SCARB2: variants seen among roughly 807,000 people sequenced by gnomAD.
SCARB2 encodes the protein scavenger receptor class B member 2, also known as lysosome membrane protein 2.
Under a neutral mutation model 58.6 loss-of-function variants are expected in SCARB2, and 29 were observed. That is an observed-to-expected ratio of 0.49 (90% CI 0.37 to 0.67). The LOEUF (loss-of-function observed/expected upper bound fraction) is 0.67, where lower values mean the gene tolerates loss of function less well. Among genes scored for constraint, SCARB2 ranks in the 30% least tolerant of loss-of-function variants. The pLI is 0.00. For missense variants in SCARB2, 488 were observed against 578.5 expected, an observed-to-expected ratio of 0.84 and a Z score of 1.60; for synonymous variants, 195 against 210.1, an observed-to-expected ratio of 0.93 and a Z score of 0.62.
chr4:76,172,691 T>C (rs201109597), intron 7 of SCARB2: 1 of 143,878 alleles, frequency 7.0e-6, no homozygotes. Context: ...TTTTTTTTTT[T>C]TCTTTTTTAA....
intron 1 of SCARB2, among the ~76,000 whole-genome samples, chr4:76,219,314 GC>G (rs1198518445): frequency 6.6e-6 from 1 of 152,162 alleles, no homozygotes; most frequent in African/African-American, 2.4e-5. Flanking sequence ...CAGTCCGGTG[GC>G]CAAAAATATA....
At chr4:76,187,321 G>T (rs925800101) in intron 2 of SCARB2, among the ~76,000 whole-genome samples, 6 of 152,074 alleles carry the variant, frequency 3.9e-5, no homozygotes, top group African/African-American at 1.4e-4. Flanking sequence ...AACATAAAAG[G>T]TTCACAGAGT....
At chr4:76,184,153 C>T (rs1732440559) in intron 2 of SCARB2, among the ~76,000 whole-genome samples, 1 of 152,150 alleles carries the variant, frequency 6.6e-6, no homozygotes, top group African/African-American at 2.4e-5. Flanking sequence ...AGTATTGCCC[C>T]ACTTCACAGC....
chr4:76,225,844 T>C (rs562507199), intron 1 of SCARB2, among the ~76,000 whole-genome samples: 3 of 152,312 alleles, frequency 2.0e-5, no homozygotes, highest in African/African-American at 7.2e-5. Flanking sequence ...TAGTCTGTAA[T>C]TGTTTTTGTT....
chr4:76,175,691 C>G, intron 6 of SCARB2, 100 bp downstream of exon 6: 1 of 1,312,040 alleles, frequency 7.6e-7, no homozygotes. Flanking sequence ...CATAAATATC[C>G]ATGCATAATA....
chr4:76,163,391 G>A lies in SCARB2; in HGVS notation c.1240-8C>T. 6.2e-6 allele frequency: 10 copies of A among 1,614,102 alleles called. No individual in the cohort carries two copies. The highest frequency in any genetic ancestry group is 1.1e-5 in the South Asian group (1 of 91,058). On this transcript the variant is annotated splice_polypyrimidine_tract_variant and splice_region_variant and intron_variant, in intron 10 of 11. Coordinates refer to ENST00000264896, the MANE Select transcript of SCARB2 (RefSeq NM_005506.4). ...TTTATCAATGTGAACACTCTGGAGA[G>A]GCAAGAAAATAGTATTCTTGATGAC...
At chr4:76,170,016 T>A (rs1461720820) in intron 7 of SCARB2, 31 bp from the exon 8 acceptor site, 2 of 1,561,980 alleles carry the variant, frequency 1.3e-6, no homozygotes, top group East Asian at 2.3e-5. Context: ...AAATGAATGA[T>A]GCTGTTTTTA....
intron 1 of SCARB2, among the ~76,000 whole-genome samples, chr4:76,231,771 T>C (rs1042292780): frequency 2.6e-5 from 4 of 152,212 alleles, no homozygotes; most frequent in Non-Finnish European, 5.9e-5. Flanking sequence ...CCTCTTAAGG[T>C]TCCAAGATAA....
intron 8 of SCARB2, 117 bp from the exon 9 acceptor site, chr4:76,168,593 G>T: frequency 1.2e-6 from 1 of 812,844 alleles, no homozygotes. Context: ...TACCATGTGT[G>T]ACAGGCAGAG....
intron 2 of SCARB2, chr4:76,195,091 A>G (rs1542092): frequency 0.028 from 4,213 of 152,340 alleles, 150 homozygotes; most frequent in African/African-American, 0.087. Context: ...AGCAGTAGCC[A>G]GGCATGGTGG....
intron 1 of SCARB2, among the ~76,000 whole-genome samples, chr4:76,222,812 C>A (rs1215531262): frequency 5.3e-5 from 8 of 152,134 alleles, no homozygotes; most frequent in Non-Finnish European, 8.8e-5. Context: ...GGGAAGAAGA[C>A]CCTGGTCATG....
intron 1 of SCARB2, among the ~76,000 whole-genome samples, chr4:76,227,814 TAA>T (rs753024400): frequency 5.4e-4 from 82 of 152,376 alleles, no homozygotes; most frequent in Non-Finnish European, 1.0e-3. Flanking sequence ...GTTGTTGCTT[TAA>T]AGTCTGTTTT....
intron 1 of SCARB2, among the ~76,000 whole-genome samples, chr4:76,233,686 G>A (rs1484070634): frequency 6.6e-6 from 1 of 152,070 alleles, no homozygotes; most frequent in Non-Finnish European, 1.5e-5. Context: ...TTCTTTAAGA[G>A]ACAGGGCTAG....
At chr4:76,221,803 T>C (rs1198991652) in intron 1 of SCARB2, among the ~76,000 whole-genome samples, 5 of 152,138 alleles carry the variant, frequency 3.3e-5, no homozygotes, top group Non-Finnish European at 7.3e-5. Context: ...ACCTATTGGG[T>C]ATCATGCTCA....
chr4:76,190,418 C>T (rs986157851), intron 2 of SCARB2, among the ~76,000 whole-genome samples: 3 of 152,156 alleles, frequency 2.0e-5, no homozygotes, highest in Non-Finnish European at 2.9e-5. Flanking sequence ...AGAGAGGTAG[C>T]GCTGAGGAAT....
At chr4:76,167,167 G>A (rs946672591) in intron 9 of SCARB2, among the ~76,000 whole-genome samples, 2 of 152,216 alleles carry the variant, frequency 1.3e-5, no homozygotes, top group Non-Finnish European at 2.9e-5. Flanking sequence ...AGACTCAAGA[G>A]ATTATAACTA....
intron 7 of SCARB2, among the ~76,000 whole-genome samples, chr4:76,171,592 G>A (rs1245726570): frequency 6.6e-6 from 1 of 152,218 alleles, no homozygotes; most frequent in Non-Finnish European, 1.5e-5. Context: ...AAGTTTAAAT[G>A]TGTAAAGTAG....
At chr4:76,217,644 C>A, upstream of SCARB2, 1 of 653,634 alleles carries the variant, frequency 1.5e-6, no homozygotes, top group Non-Finnish European at 2.8e-6. Flanking sequence ...GTCCAGCCTG[C>A]AGAACCATGA....
intron 7 of SCARB2, among the ~76,000 whole-genome samples, chr4:76,171,733 A>G (rs1218938215): frequency 6.7e-6 from 1 of 149,894 alleles, no homozygotes; most frequent in African/African-American, 2.5e-5. Flanking sequence ...ACACTGTTTC[A>G]GGACTATTAC....
Sources: gnomAD v4.1 joint callset for allele counts (sites outside exome capture counted in the v4.1 genomes callset) on GRCh38, gnomAD v4.1.1 for gene constraint, MANE v1.5 for transcripts, NCBI Gene and HGNC (gene_info 2026-07-23, HGNC 2026-07-21) for gene names.